The following CDC42SE2 variants were observed in gnomAD, a reference collection of about 807,000 sequenced individuals.
The protein encoded by CDC42SE2 is CDC42 small effector 2, also known as CDC42 small effector protein 2.
In CDC42SE2, 3 loss-of-function variants were observed where a neutral mutation model predicts 11.5. The observed-to-expected ratio is 0.26, with a 90% confidence interval of 0.12 to 0.67. CDC42SE2 has a LOEUF of 0.67. CDC42SE2 is among the 30% of genes least tolerant of loss of function. The pLI, the probability that CDC42SE2 is intolerant of heterozygous loss-of-function variation, is 0.80. For synonymous variants in CDC42SE2, 33 were observed against 34.8 expected (o/e 0.95, Z 0.18); for missense variants, 82 against 106.8 (o/e 0.77, Z 1.02).
chr5:131,339,246 G>GGAAA (rs1554098965), intron 2 of CDC42SE2, among the ~76,000 whole-genome samples: 1 of 28,242 alleles, frequency 3.5e-5, no homozygotes, highest in African/African-American at 1.0e-4. Flanking sequence ...GACTCTGTCT[G>GGAAA]AAAAAAAAAA....
intron 2 of CDC42SE2, among the ~76,000 whole-genome samples, chr5:131,357,576 A>T (rs535413825): frequency 1.3e-5 from 2 of 152,206 alleles, no homozygotes; most frequent in African/African-American, 4.8e-5. Flanking sequence ...AAGCTTATAA[A>T]TGTGTGAGGT....
chr5:131,265,315 A>G lies in CDC42SE2; in HGVS notation c.-455+1149A>G, dbSNP rs180854814. ...TTTCTAATCTTTAAAAATAATGGAGAAGATAAAGAGGGAGTGGGATTGTAT... is the reference window on the plus strand; with the variant it reads ...TTTCTAATCTTTAAAAATAATGGAGGAGATAAAGAGGGAGTGGGATTGTAT... On this transcript the variant is annotated intron_variant, in intron 1 of 4. Transcript: ENST00000505065. 1.6e-3 allele frequency among the ~76,000 whole-genome samples: 244 copies of G among 152,248 alleles called. 1 individual carries two copies. Among genetic ancestry groups the G allele is most frequent in the African/African-American group, 5.6e-3 (231 of 41,530 alleles).
At chr5:131,352,686 G>C (rs528961451) in intron 2 of CDC42SE2, among the ~76,000 whole-genome samples, 1 of 152,026 alleles carries the variant, frequency 6.6e-6, no homozygotes, top group East Asian at 1.9e-4. Flanking sequence ...TTTTCAAAAC[G>C]GTGTTGTACC....
intron 3 of CDC42SE2, among the ~76,000 whole-genome samples, chr5:131,372,062 CA>C (rs1248737273): frequency 2.6e-5 from 4 of 152,012 alleles, no homozygotes; most frequent in Non-Finnish European, 5.9e-5. Flanking sequence ...ACCTGGGTAA[CA>C]GTTGGGTGAT....
At chr5:131,386,888 T>C (rs1052613268) in intron 4 of CDC42SE2, among the ~76,000 whole-genome samples, 1 of 152,184 alleles carries the variant, frequency 6.6e-6, no homozygotes, top group African/African-American at 2.4e-5. Flanking sequence ...ACTTTAAAAA[T>C]AGGTAGATGG....
chr5:131,383,767 C>T (rs951312544), intron 3 of CDC42SE2, among the ~76,000 whole-genome samples: 1 of 152,162 alleles, frequency 6.6e-6, no homozygotes, highest in African/African-American at 2.4e-5. Flanking sequence ...TGCTCTGCAG[C>T]TGCTTTCATG....
At chr5:131,266,835 A>T (rs1756876339) in intron 1 of CDC42SE2, among the ~76,000 whole-genome samples, 1 of 152,058 alleles carries the variant, frequency 6.6e-6, no homozygotes, top group Non-Finnish European at 1.5e-5. Context: ...TCTCGGAAGA[A>T]GTTACCTGAC....
At chr5:131,294,025 T>C (rs1347324550) in intron 1 of CDC42SE2, among the ~76,000 whole-genome samples, 1 of 152,208 alleles carries the variant, frequency 6.6e-6, no homozygotes, top group East Asian at 1.9e-4. Context: ...ACTGAGCCAC[T>C]CTTCTGGTGA....
chr5:131,363,164 G>C (rs1749760083), intron 3 of CDC42SE2, among the ~76,000 whole-genome samples: 1 of 151,208 alleles, frequency 6.6e-6, no homozygotes, highest in African/African-American at 2.4e-5. Flanking sequence ...AGATTTATTA[G>C]CTGTTGACAG....
chr5:131,329,763 C>T (rs1481087438), intron 2 of CDC42SE2, among the ~76,000 whole-genome samples: 1 of 151,038 alleles, frequency 6.6e-6, no homozygotes, highest in African/African-American at 2.4e-5. Flanking sequence ...CCTGTAATCC[C>T]AGCTACTTGG....
chr5:131,258,402 A>C (rs1185654775), intron 2 of CDC42SE2, among the ~76,000 whole-genome samples: 1 of 152,180 alleles, frequency 6.6e-6, no homozygotes, highest in Non-Finnish European at 1.5e-5. Flanking sequence ...AGCTGTTTAA[A>C]AAAAAGAAAA....
At chr5:131,309,903 G>A (rs1290605384) in intron 1 of CDC42SE2, among the ~76,000 whole-genome samples, 1 of 151,212 alleles carries the variant, frequency 6.6e-6, no homozygotes, top group Non-Finnish European at 1.5e-5. Flanking sequence ...ACCAGCTCCT[G>A]GATTCATTAA....
chr5:131,283,805 T>C (rs1757289379), intron 1 of CDC42SE2, among the ~76,000 whole-genome samples: 1 of 152,194 alleles, frequency 6.6e-6, no homozygotes, highest in Non-Finnish European at 1.5e-5. Flanking sequence ...TCATTCTCTT[T>C]TATGGCTGAA....
chr5:131,360,386 C>T (rs1749673370), intron 3 of CDC42SE2, among the ~76,000 whole-genome samples: 1 of 152,234 alleles, frequency 6.6e-6, no homozygotes, highest in South Asian at 2.1e-4. Flanking sequence ...TCCCAAAATG[C>T]TGGGATTACA....
intron 1 of CDC42SE2, among the ~76,000 whole-genome samples, chr5:131,297,153 T>G (rs973605768): frequency 1.5e-5 from 1 of 68,378 alleles, no homozygotes; most frequent in Non-Finnish European, 2.9e-5. Context: ...AAATACTTTA[T>G]ATTCTTTTTT....
intron 3 of CDC42SE2, among the ~76,000 whole-genome samples, chr5:131,369,953 T>A (rs1749970416): frequency 6.6e-6 from 1 of 152,354 alleles, no homozygotes; most frequent in East Asian, 1.9e-4. Context: ...GCTTTCTGCT[T>A]ATTCTGTTTC....
rs534323228 is a variant in CDC42SE2 at position 131,306,886 on chromosome 5, C to G, written c.-454-9090C>G. Among the ~76,000 whole-genome samples the G allele has an allele frequency of 3.5e-4, 53 of 151,554 alleles. 1 individual carries two copies. In the South Asian group the frequency reaches 0.01, roughly 30 times the overall value. ...AGAATTGATTTCTTAATTTTTTTTC[C>G]AGATTATTAGTTGTTAGTGTAAAGA... On this transcript the variant is annotated intron_variant, in intron 1 of 4. Transcript: ENST00000505065.
At chr5:131,270,085 A>G (rs1020076944) in intron 1 of CDC42SE2, among the ~76,000 whole-genome samples, 1 of 149,230 alleles carries the variant, frequency 6.7e-6, no homozygotes, top group Non-Finnish European at 1.5e-5. Context: ...AAACAAAAAA[A>G]AACAACTGGC....
Position 131,270,078 on chromosome 5 carries a change from C to CA in CDC42SE2, c.-455+5921dup, listed in dbSNP as rs202042820. ...TATCTCAAAAAAACAAAAAAACAAA[C>CA]AAAAAAAAACAACTGGCCGGGCATG... On this transcript the variant is annotated intron_variant, in intron 1 of 4. Transcript: ENST00000505065. Among the ~76,000 whole-genome samples, 55 of 131,536 alleles carry CA rather than the reference C, an allele frequency of 4.2e-4. 1 individual carries two copies. The highest frequency in any genetic ancestry group is 1.5e-3 in the South Asian group (6 of 4,008). 86.3% of individuals were successfully genotyped at this position (131,536 alleles called of 152,430 possible).
Sources: gnomAD v4.1 joint callset for allele counts (sites outside exome capture counted in the v4.1 genomes callset) on GRCh38, gnomAD v4.1.1 for gene constraint, MANE v1.5 for transcripts, NCBI Gene and HGNC (gene_info 2026-07-23, HGNC 2026-07-21) for gene names.